RNF4: variants seen among roughly 807,000 people sequenced by gnomAD.
The protein encoded by RNF4 is E3 ubiquitin-protein ligase RNF4.
A neutral mutation model predicts 24.3 loss-of-function variants in RNF4; 7 were observed. The observed-to-expected ratio is 0.29, with a 90% CI of 0.16 to 0.54. The LOEUF is 0.54. Ranked by LOEUF, RNF4 falls within the 20% of genes least tolerant of loss-of-function variation. The pLI is 0.95. For synonymous variants in RNF4, 83 were observed against 84.3 expected (o/e 0.98, Z 0.09); for missense variants, 209 against 248.5 (o/e 0.84, Z 1.07).
chr4:2,500,207 A>C (rs142680670), intron 3 of RNF4, among the ~76,000 whole-genome samples: 538 of 151,816 alleles, frequency 3.5e-3, no homozygotes, highest in African/African-American at 0.01. Context: ...CGATGAAGTT[A>C]CTAAGCTAAG....
intron 1 of RNF4, among the ~76,000 whole-genome samples, chr4:2,477,695 G>A (rs902153934): frequency 3.9e-5 from 6 of 152,126 alleles, no homozygotes; most frequent in Admixed American, 6.6e-5. Flanking sequence ...CTTGCCTTCC[G>A]CCATGATTGT....
chr4:2,478,938 TCAA>T (rs1735165487), intron 1 of RNF4, among the ~76,000 whole-genome samples: 1 of 152,110 alleles, frequency 6.6e-6, no homozygotes. Flanking sequence ...CTGCAGACAC[TCAA>T]CACCACCCAG....
chr4:2,502,716 T>A (rs192388194), intron 4 of RNF4, among the ~76,000 whole-genome samples: 5 of 148,608 alleles, frequency 3.4e-5, no homozygotes, highest in Admixed American at 3.4e-4. Context: ...TGATGATGCA[T>A]ACCTGTAATC....
rs1415800997 is a variant in RNF4 at position 2,490,364 on chromosome 4, G to T, written c.-130G>T. On this transcript the variant is annotated 5_prime_UTR_variant, in exon 2 of 8. Coordinates refer to ENST00000314289, the MANE Select transcript of RNF4 (RefSeq NM_002938.5). ...CTTGAAAATACTGGAAATCTGTCCGGATCCAAATTATTTTGCAAGCCAGAT... is the reference window on the plus strand; with the variant it reads ...CTTGAAAATACTGGAAATCTGTCCGTATCCAAATTATTTTGCAAGCCAGAT... The T allele has an allele frequency of 1.2e-5, 10 of 804,524 alleles. No homozygotes were observed. Among genetic ancestry groups the T allele is most frequent in the Non-Finnish European group, 1.8e-5 (9 of 502,996 alleles). The allele number at this position is 804,524 out of a possible 1,614,324, so 49.8% of individuals were successfully genotyped here.
chr4:2,491,299 C>T (rs554407079), intron 2 of RNF4, among the ~76,000 whole-genome samples: 4 of 151,532 alleles, frequency 2.6e-5, no homozygotes, highest in South Asian at 2.1e-4. Context: ...TGCAGTGGCC[C>T]GACCTCGGCT....
intron 1 of RNF4, among the ~76,000 whole-genome samples, chr4:2,476,851 A>C (rs1735093878): frequency 1.3e-5 from 2 of 150,804 alleles, no homozygotes; most frequent in Non-Finnish European, 3.0e-5. Context: ...GTTCTTTCTC[A>C]ACTCACTTCA....
chr4:2,510,884 G>A (rs909490149), intron 4 of RNF4, among the ~76,000 whole-genome samples: 1 of 152,218 alleles, frequency 6.6e-6, no homozygotes, highest in African/African-American at 2.4e-5. Context: ...GTTCTGAGCT[G>A]GCAGGTGAGA....
Position 2,514,026 on chromosome 4 carries a change from C to A in RNF4, c.*207C>A. 3.2e-6 allele frequency: 2 copies of A among 632,654 alleles called. No homozygotes were observed. The highest frequency in any genetic ancestry group is 4.0e-4 in the Middle Eastern group (1 of 2,500). 39.2% of individuals were successfully genotyped at this position (632,654 alleles called of 1,614,324 possible). A position where few individuals can be genotyped will look rare whatever the true frequency, so the allele number is the denominator to read the frequency against. ...GACCCAGGGCCCTCCCAGGCCATCT[C>A]TGTTCCTCTGGGGTGGTCCAGTTCT... On this transcript the variant is annotated 3_prime_UTR_variant, in exon 8 of 8. Coordinates refer to ENST00000314289, the MANE Select transcript of RNF4 (RefSeq NM_002938.5).
chr4:2,499,115 T>TG (rs1331362067), intron 3 of RNF4, among the ~76,000 whole-genome samples: 1 of 151,746 alleles, frequency 6.6e-6, no homozygotes, highest in Non-Finnish European at 1.5e-5. Context: ...GAGAATCACT[T>TG]GCACCTGGGA....
chr4:2,501,589 A>C (rs1735913516), intron 4 of RNF4, among the ~76,000 whole-genome samples: 1 of 152,162 alleles, frequency 6.6e-6, no homozygotes, highest in African/African-American at 2.4e-5. Flanking sequence ...CAGGTCTGGG[A>C]ATCTGGTCAG....
chr4:2,485,751 A>G (rs1017496120), intron 1 of RNF4, among the ~76,000 whole-genome samples: 1 of 152,138 alleles, frequency 6.6e-6, no homozygotes, highest in Non-Finnish European at 1.5e-5. Context: ...TTATTCCTTC[A>G]ATAAATATGA....
chr4:2,497,424 C>A, intron 3 of RNF4: 1 of 194,202 alleles, frequency 5.1e-6, no homozygotes, highest in Non-Finnish European at 1.1e-5. Context: ...TAAAGTACTT[C>A]GCTTTCCTCT....
At chr4:2,496,901 C>T (rs924357122) in intron 2 of RNF4, 106 bp from the exon 3 acceptor site, 11 of 744,648 alleles carry the variant, frequency 1.5e-5, no homozygotes, top group East Asian at 8.4e-5. Flanking sequence ...CAAGTCTACT[C>T]GCTGGCTTCT....
At chr4:2,487,249 A>G (rs1396419926) in intron 1 of RNF4, among the ~76,000 whole-genome samples, 1 of 151,882 alleles carries the variant, frequency 6.6e-6, no homozygotes, top group Admixed American at 6.6e-5. Flanking sequence ...TGGGACTACA[A>G]GTGTGCACCG....
At position 2,513,830 on chromosome 4, in the gene RNF4, G is replaced by GC. The variant is rs1736336529; in HGVS notation, c.*17dup. ...CCCATTTATATATGAAGTATTCAGA[G>GC]CCCCCCAGGAGAGACGGATGGACAG... is the stretch of plus-strand genomic sequence containing the variant. On this transcript the variant is annotated 3_prime_UTR_variant, in exon 8 of 8. Transcript: ENST00000314289. The GC allele has an allele frequency of 1.9e-6, 3 of 1,613,674 alleles. No individual in the cohort carries two copies. The highest frequency in any genetic ancestry group is 3.3e-5 in the Admixed American group (2 of 59,992).
At chr4:2,494,586 T>C (rs754281456) in intron 2 of RNF4, 1 of 151,840 alleles carries the variant, frequency 6.6e-6, no homozygotes, top group Non-Finnish European at 1.5e-5. Flanking sequence ...TTCTACGTGT[T>C]AGCCAGGATG....
intron 1 of RNF4, among the ~76,000 whole-genome samples, chr4:2,487,809 C>T (rs1173888131): frequency 6.6e-6 from 1 of 152,188 alleles, no homozygotes; most frequent in East Asian, 1.9e-4. Flanking sequence ...TAGAGTGAAA[C>T]AGTGAAGGGG....
chr4:2,485,635 C>T (rs776322117), intron 1 of RNF4, among the ~76,000 whole-genome samples: 36 of 152,292 alleles, frequency 2.4e-4, no homozygotes, highest in Non-Finnish European at 4.7e-4. Flanking sequence ...GAATACCTAG[C>T]ATCCGGCTCT....
At chr4:2,513,579 ATCT>A in intron 7 of RNF4, 88 bp from the exon 8 acceptor site, 1 of 1,491,546 alleles carries the variant, frequency 6.7e-7, no homozygotes, top group Non-Finnish European at 9.1e-7. Context: ...TTAATTAGTC[ATCT>A]TAGGCATAGG....
Sources: gnomAD v4.1 joint callset for allele counts (sites outside exome capture counted in the v4.1 genomes callset) on GRCh38, gnomAD v4.1.1 for gene constraint, MANE v1.5 for transcripts, NCBI Gene and HGNC (gene_info 2026-07-23, HGNC 2026-07-21) for gene names.